Variants in KREMEN1 observed in about 807,000 individuals in gnomAD.
The protein encoded by KREMEN1 is kringle containing transmembrane protein 1.
KREMEN1 carries 30 observed loss-of-function variants against 46.5 expected under a neutral mutation model. The ratio of observed to expected loss-of-function variants is 0.65; its 90% confidence interval spans 0.48 to 0.88. The LOEUF (loss-of-function observed/expected upper bound fraction) is 0.88, where lower values mean the gene tolerates loss of function less well. Ranked by LOEUF, KREMEN1 falls within the 40% of genes least tolerant of loss-of-function variation. The pLI is 0.00. For synonymous variants in KREMEN1, 214 were observed against 230.6 expected (o/e 0.93, Z 0.65); for missense variants, 533 against 596.9 (o/e 0.89, Z 1.11).
At chr22:29,076,290 T>C (rs2123918490) in intron 1 of KREMEN1, among the ~76,000 whole-genome samples, 1 of 152,334 alleles carries the variant, frequency 6.6e-6, no homozygotes, top group Non-Finnish European at 1.5e-5. Context: ...TTTGCCCCAC[T>C]AGCCAGTAGT....
intron 1 of KREMEN1, among the ~76,000 whole-genome samples, chr22:29,090,548 G>A (rs1448590386): frequency 6.6e-6 from 1 of 152,106 alleles, no homozygotes; most frequent in Non-Finnish European, 1.5e-5. Flanking sequence ...ACATGATCAC[G>A]ATAGAAAACA....
intron 1 of KREMEN1, 143 bp from the exon 2 acceptor site, chr22:29,094,115 G>A: frequency 1.6e-6 from 1 of 637,188 alleles, no homozygotes; most frequent in Non-Finnish European, 2.7e-6. Context: ...AGCCCCAGAA[G>A]TGTTAACTGC....
chr22:29,132,143 A>G (rs931416380), intron 5 of KREMEN1, among the ~76,000 whole-genome samples: 1 of 152,102 alleles, frequency 6.6e-6, no homozygotes, highest in Non-Finnish European at 1.5e-5. Context: ...AAGTGCTGGG[A>G]TTACAGGTGT....
At chr22:29,140,540 CA>C (rs2038746026) in intron 8 of KREMEN1, among the ~76,000 whole-genome samples, 174 bp downstream of exon 8, 1 of 152,174 alleles carries the variant, frequency 6.6e-6, no homozygotes, top group Admixed American at 6.5e-5. Context: ...GTGAAATGTA[CA>C]ACTGGACAAA....
At chr22:29,098,305 G>C (rs1341098296) in intron 2 of KREMEN1, among the ~76,000 whole-genome samples, 1 of 152,052 alleles carries the variant, frequency 6.6e-6, no homozygotes, top group Non-Finnish European at 1.5e-5. Context: ...TTTATTGTTG[G>C]ATATTTGCTG....
At chr22:29,163,662 C>T (rs1027649341) in intron 9 of KREMEN1, among the ~76,000 whole-genome samples, 2 of 151,742 alleles carry the variant, frequency 1.3e-5, no homozygotes, top group African/African-American at 4.8e-5. Context: ...CAGGCATGAG[C>T]CACCACGCCC....
chr22:29,078,692 C>T (rs763980343), intron 1 of KREMEN1, among the ~76,000 whole-genome samples: 1 of 152,218 alleles, frequency 6.6e-6, no homozygotes, highest in Non-Finnish European at 1.5e-5. Flanking sequence ...TGTGCTTGTA[C>T]TGTGGAACAG....
intron 1 of KREMEN1, among the ~76,000 whole-genome samples, chr22:29,090,400 G>A (rs1291714143): frequency 6.6e-6 from 1 of 152,132 alleles, no homozygotes; most frequent in Non-Finnish European, 1.5e-5. Context: ...GGTGGGAGGA[G>A]GGAGATCAGC....
intron 3 of KREMEN1, among the ~76,000 whole-genome samples, chr22:29,106,524 A>G (rs1416369398): frequency 1.3e-5 from 2 of 151,884 alleles, no homozygotes; most frequent in East Asian, 1.9e-4. Context: ...CAACAATCCT[A>G]TGAAGCAGGT....
In KREMEN1 at chr22:29,142,183, GTTCTTCT is replaced by G; in HGVS notation, c.*72_*78del. The G allele has an allele frequency of 1.4e-6, 2 of 1,464,514 alleles. No homozygotes were observed. Among genetic ancestry groups the G allele is most frequent in the South Asian group, 1.5e-5 (1 of 65,420 alleles). The allele number at this position is 1,464,514 out of a possible 1,614,324, so 90.7% of individuals were successfully genotyped here. On this transcript the variant is annotated 3_prime_UTR_variant, in exon 9 of 9. Coordinates refer to ENST00000400335, the MANE Select transcript of KREMEN1 (RefSeq NM_001039570.3). ...GCTGCCGTGGTCAACCTCTCCTGTG[GTTCTTCT>G]CTGACAGACTCTTCCCCTCCTCTCC...
rs116392549 is a variant in KREMEN1 at position 29,136,723 on chromosome 22, G to T, written c.632-619G>T. On this transcript the variant is annotated intron_variant, in intron 5 of 8. Coordinates refer to ENST00000400335, the MANE Select transcript of KREMEN1 (RefSeq NM_001039570.3). The stretch of plus-strand genomic sequence containing the variant: ...TATCAAAAACAGGAGTCCAGAGAAA[G>T]CAAATGTGCCCAGTACAGAGTGCTC... Among the ~76,000 whole-genome samples, 1,367 of 152,252 alleles carry T rather than the reference G, an allele frequency of 9.0e-3. 13 individuals carry two copies. The highest frequency in any genetic ancestry group is 0.031 in the African/African-American group (1,304 of 41,534).
downstream of KREMEN1, among the ~76,000 whole-genome samples, chr22:29,149,363 A>G (rs1050787756): frequency 1.3e-5 from 2 of 152,006 alleles, no homozygotes; most frequent in Admixed American, 1.3e-4. Context: ...GGGTTTCACC[A>G]TGTTGGCCAG....
chr22:29,143,719 G>A lies in KREMEN1; in HGVS notation c.*1607G>A, dbSNP rs998626783. 6.2e-6 allele frequency: 6 copies of A among 972,314 alleles called. No individual in the cohort carries two copies. Among genetic ancestry groups the A allele is most frequent in the African/African-American group, 5.3e-5 (3 of 56,666 alleles). The allele number at this position is 972,314 out of a possible 1,614,324, so 60.2% of individuals were successfully genotyped here. A position where few individuals can be genotyped will look rare whatever the true frequency, so the allele number is the denominator to read the frequency against. On this transcript the variant is annotated 3_prime_UTR_variant, in exon 9 of 9. Transcript: ENST00000400335. ...ATCACGCCACTGCACTCCAGCCTGG[G>A]TGACAGTGCAAGACTCTGTCTCAAA...
At chr22:29,101,427 G>T (rs1178959253) in intron 3 of KREMEN1, among the ~76,000 whole-genome samples, 3 of 152,086 alleles carry the variant, frequency 2.0e-5, no homozygotes, top group Non-Finnish European at 4.4e-5. Flanking sequence ...TATTATTCAA[G>T]AAAAATTATT....
intron 2 of KREMEN1, among the ~76,000 whole-genome samples, chr22:29,096,462 A>T (rs2037884122): frequency 6.6e-6 from 1 of 152,160 alleles, no homozygotes. Context: ...GGCTTCTAGA[A>T]ATGTACCCAT....
chr22:29,165,160 G>A (rs1175689009), intron 9 of KREMEN1, among the ~76,000 whole-genome samples: 3 of 151,068 alleles, frequency 2.0e-5, no homozygotes, highest in Admixed American at 1.3e-4. Flanking sequence ...GCAACGGAGC[G>A]AGACTCCATC....
intron 3 of KREMEN1, among the ~76,000 whole-genome samples, chr22:29,110,812 G>A (rs1437839156): frequency 2.6e-5 from 4 of 152,308 alleles, no homozygotes; most frequent in Admixed American, 1.3e-4. Flanking sequence ...GATTTGGAAC[G>A]GAAGTTGCAG....
chr22:29,099,296 A>T (rs1236154575), intron 3 of KREMEN1: 1 of 193,400 alleles, frequency 5.2e-6, no homozygotes, highest in Non-Finnish European at 1.1e-5. Flanking sequence ...TGGAATGAAC[A>T]TCTTTATACA....
Position 29,144,402 on chromosome 22 carries a change from AGG to A in KREMEN1, c.*2293_*2294del. The A allele has an allele frequency of 4.1e-5, 40 of 985,928 alleles. No homozygotes were observed. Among genetic ancestry groups the A allele is most frequent in the Non-Finnish European group, 4.8e-5 (40 of 830,290 alleles). 61.1% of individuals were successfully genotyped at this position (985,928 alleles called of 1,614,324 possible). On this transcript the variant is annotated 3_prime_UTR_variant, in exon 9 of 9. Coordinates refer to ENST00000400335, the MANE Select transcript of KREMEN1 (RefSeq NM_001039570.3). ...ACGGAGCAATGTGTCACAGGCAGGC[AGG>A]GGCAGGACTGCCACCCCAGGCCCCG...
Sources: allele counts gnomAD v4.1 joint callset (sites outside exome capture counted in the v4.1 genomes callset), GRCh38; gene constraint gnomAD v4.1.1; transcripts MANE v1.5; gene names NCBI Gene and HGNC (gene_info 2026-07-23, HGNC 2026-07-21).